Variants in RANBP17 observed in about 807,000 individuals in gnomAD.
The protein encoded by RANBP17 is ran-binding protein 17.
RANBP17 carries 158 observed loss-of-function variants against 141.2 expected under a neutral mutation model. The observed-to-expected ratio is 1.12, with a 90% CI of 0.98 to 1.28. RANBP17 has a LOEUF of 1.28. Among genes scored for constraint, RANBP17 ranks in the 50% most tolerant of loss-of-function variants. RANBP17 has a pLI of 0.00. For missense variants in RANBP17, 1,438 were observed against 1,290.7 expected, an observed-to-expected ratio of 1.11 and a Z score of -1.75; for synonymous variants, 430 against 450.0, an observed-to-expected ratio of 0.96 and a Z score of 0.56.
At chr5:171,008,214 A>G (rs1244830108) in intron 14 of RANBP17, among the ~76,000 whole-genome samples, 1 of 152,132 alleles carries the variant, frequency 6.6e-6, no homozygotes, top group African/African-American at 2.4e-5. Flanking sequence ...CTGGAATTGG[A>G]AGGACAGGGA....
At position 171,171,284 on chromosome 5, in the gene RANBP17, T is replaced by C; in HGVS notation, c.1863T>C (p.Val621=). Residue 621 remains valine (V), a splice_region_variant and synonymous_variant, in exon 16 of 28, where the codon GTT becomes GTC. Coordinates refer to ENST00000523189, the MANE Select transcript of RANBP17 (RefSeq NM_022897.5). The part of the protein sequence containing the change: ...RTLQFLNDLS[V]GYILLKKLVK... ...TTCAGTTCCTAAATGACCTTTCTGT[T>C]GGATATCCTTTTCACTGTATATCTG... The C allele has an allele frequency of 6.5e-7, 1 of 1,549,102 alleles. No individual in the cohort carries two copies. The highest frequency in any genetic ancestry group is 8.9e-7 in the Non-Finnish European group (1 of 1,126,110).
At chr5:171,110,607 A>G (rs1253405347) in intron 14 of RANBP17, among the ~76,000 whole-genome samples, 2 of 152,190 alleles carry the variant, frequency 1.3e-5, no homozygotes, top group African/African-American at 2.4e-5. Context: ...AGGGAAAAGC[A>G]TACAAATTTT....
Position 170,918,704 on chromosome 5 carries a change from A to G in RANBP17, c.955-9A>G, listed in dbSNP as rs112213519. On this transcript the variant is annotated splice_polypyrimidine_tract_variant and intron_variant, in intron 9 of 27. Transcript: ENST00000523189. Reference sequence around the variant, plus strand: ...GTTTTTAAGCCTTTCTTTTTGTCTCATAATTTAGGGTTTGTCTGATCCAGG... The same window carrying G: ...GTTTTTAAGCCTTTCTTTTTGTCTCGTAATTTAGGGTTTGTCTGATCCAGG... 5.1e-3 allele frequency: 8,021 copies of G among 1,586,000 alleles called. 342 individuals are homozygous for G. In the African/African-American group the frequency reaches 0.095, roughly 19 times the overall value.
intron 14 of RANBP17, among the ~76,000 whole-genome samples, chr5:171,059,595 C>T (rs1321774322): frequency 2.0e-5 from 3 of 152,050 alleles, no homozygotes; most frequent in Non-Finnish European, 2.9e-5. Flanking sequence ...AGTCAGGTAG[C>T]GTGATGCCTC....
At chr5:171,160,633 C>G (rs917979431) in intron 14 of RANBP17, among the ~76,000 whole-genome samples, 6 of 152,184 alleles carry the variant, frequency 3.9e-5, no homozygotes, top group African/African-American at 1.4e-4. Context: ...CTAACCACTT[C>G]ACTAGATTAC....
At chr5:171,014,407 T>G (rs1001097909) in intron 14 of RANBP17, among the ~76,000 whole-genome samples, 1 of 152,066 alleles carries the variant, frequency 6.6e-6, no homozygotes, top group African/African-American at 2.4e-5. Context: ...TTTCTTTGGA[T>G]CGAACATTTA....
intron 14 of RANBP17, among the ~76,000 whole-genome samples, chr5:171,137,474 A>G (rs906257187): frequency 6.6e-6 from 1 of 152,074 alleles, no homozygotes; most frequent in African/African-American, 2.4e-5. Context: ...GTTGTCATTG[A>G]AAGTATTGCC....
chr5:170,923,351 A>C (rs1174825901), intron 11 of RANBP17, among the ~76,000 whole-genome samples: 2 of 152,202 alleles, frequency 1.3e-5, no homozygotes, highest in African/African-American at 4.8e-5. Flanking sequence ...TGTCTTCATT[A>C]ATCTATGTGT....
In RANBP17 at chr5:170,919,614, G is replaced by A. The variant is rs938249918; in HGVS notation, c.1274+1G>A. The stretch of plus-strand genomic sequence containing the variant: ...TGGACTCTGTTGCCATAGTTGTGAG[G>A]TATTCAAAAACTAAATGTTTTTGTT... On this transcript the variant is annotated splice_donor_variant, in intron 11 of 27. Transcript: ENST00000523189. LOFTEE classifies it high-confidence loss of function. 2 of 1,553,540 alleles carry A rather than the reference G, an allele frequency of 1.3e-6. No individual in the cohort carries two copies. The highest frequency in any genetic ancestry group is 1.7e-6 in the Non-Finnish European group (2 of 1,156,818).
chr5:171,191,515 G>A (rs1392108095), intron 18 of RANBP17, among the ~76,000 whole-genome samples: 1 of 152,036 alleles, frequency 6.6e-6, no homozygotes, highest in Non-Finnish European at 1.5e-5. Flanking sequence ...GTGAAACCCT[G>A]TCTCTACTAA....
At chr5:170,956,798 G>T (rs546535253) in intron 13 of RANBP17, among the ~76,000 whole-genome samples, 2 of 151,006 alleles carry the variant, frequency 1.3e-5, no homozygotes, top group African/African-American at 4.8e-5. Context: ...ACGACTGGGC[G>T]CAGTGGCTCA....
intron 14 of RANBP17, among the ~76,000 whole-genome samples, chr5:171,155,038 A>G (rs556043624): frequency 6.9e-6 from 1 of 144,268 alleles, no homozygotes; most frequent in Admixed American, 7.3e-5. Context: ...AAATCACGCC[A>G]CTGCACTCCA....
chr5:171,063,219 G>A (rs1561610129), intron 14 of RANBP17, among the ~76,000 whole-genome samples: 1 of 150,662 alleles, frequency 6.6e-6, no homozygotes, highest in Admixed American at 6.6e-5. Context: ...GCTTTCCTTT[G>A]GAGGAGGAGA....
chr5:171,025,695 GC>G (rs1388144026), intron 14 of RANBP17, among the ~76,000 whole-genome samples: 1 of 151,406 alleles, frequency 6.6e-6, no homozygotes, highest in Non-Finnish European at 1.5e-5. Context: ...CTGTGCCAAA[GC>G]CTCCCAAGTA....
chr5:171,028,747 C>A, intron 14 of RANBP17: 1 of 382,882 alleles, frequency 2.6e-6, no homozygotes, highest in Non-Finnish European at 5.0e-6. Context: ...TCCTTGCTTG[C>A]ATACAGAGAA....
At chr5:170,887,064 T>A (rs1245584208) in intron 3 of RANBP17, among the ~76,000 whole-genome samples, 1 of 152,208 alleles carries the variant, frequency 6.6e-6, no homozygotes, top group East Asian at 1.9e-4. Context: ...TTCAAACTCA[T>A]GTTGTTCAAG....
At chr5:171,035,049 G>A (rs1185119481) in intron 14 of RANBP17, among the ~76,000 whole-genome samples, 1 of 151,958 alleles carries the variant, frequency 6.6e-6, no homozygotes, top group Non-Finnish European at 1.5e-5. Flanking sequence ...TTAAAAAAGA[G>A]TAAGTGCTAA....
At chr5:170,977,128 A>C (rs1294441710) in intron 14 of RANBP17, among the ~76,000 whole-genome samples, 1 of 152,102 alleles carries the variant, frequency 6.6e-6, no homozygotes, top group Non-Finnish European at 1.5e-5. Flanking sequence ...TCTATAAAGA[A>C]TTCTTATAAC....
At chr5:171,113,686 C>G (rs1323435565) in intron 14 of RANBP17, among the ~76,000 whole-genome samples, 2 of 152,110 alleles carry the variant, frequency 1.3e-5, no homozygotes, top group Non-Finnish European at 2.9e-5. Context: ...GGATTCAGAC[C>G]TAGGCACTTT....
Sources: gnomAD v4.1 joint callset for allele counts (sites outside exome capture counted in the v4.1 genomes callset) on GRCh38, gnomAD v4.1.1 for gene constraint, MANE v1.5 for transcripts, NCBI Gene and HGNC (gene_info 2026-07-23, HGNC 2026-07-21) for gene names.